Variants in DIP2C observed in about 807,000 individuals in gnomAD.
DIP2C encodes DIP2 acetate--CoA ligase C (putative).
In DIP2C, 33 loss-of-function variants were observed where a neutral mutation model predicts 192.4. The ratio of observed to expected loss-of-function variants is 0.17; its 90% CI spans 0.13 to 0.23. The LOEUF (loss-of-function observed/expected upper bound fraction) is 0.23. Among genes scored for constraint, DIP2C ranks in the 10% least tolerant of loss-of-function variants. DIP2C has a pLI of 1.00. For missense variants in DIP2C, 1,537 were observed against 2,110.1 expected, an observed-to-expected ratio of 0.73 and a Z score of 5.32; for synonymous variants, 979 against 864.1, an observed-to-expected ratio of 1.13 and a Z score of -2.33.
chr10:305,994 T>TATATATATATATATATATATATATATA, intron 32 of DIP2C, among the ~76,000 whole-genome samples: 1 of 148,756 alleles, frequency 6.7e-6, no homozygotes, highest in African/African-American at 2.5e-5. Flanking sequence ...TATATATATA[T>TATATATATATATATATATATATATATA]TATATTTTTT....
chr10:578,346 G>A (rs958898134), intron 1 of DIP2C, among the ~76,000 whole-genome samples: 2 of 152,230 alleles, frequency 1.3e-5, no homozygotes, highest in African/African-American at 4.8e-5. Flanking sequence ...CACGTTTCCT[G>A]ATGAGTGGCG....
chr10:377,702 G>A (rs1459783265), intron 17 of DIP2C, among the ~76,000 whole-genome samples: 3 of 152,196 alleles, frequency 2.0e-5, no homozygotes, highest in Non-Finnish European at 4.4e-5. Context: ...GGCACCATCA[G>A]CACCCAGTGG....
chr10:612,895 C>G (rs1853195699), intron 1 of DIP2C, among the ~76,000 whole-genome samples: 1 of 152,206 alleles, frequency 6.6e-6, no homozygotes, highest in East Asian at 1.9e-4. Context: ...AAAGCACTGG[C>G]TGACTTGCTG....
intron 1 of DIP2C, among the ~76,000 whole-genome samples, chr10:581,628 G>T (rs1248999147): frequency 6.6e-6 from 1 of 152,148 alleles, no homozygotes; most frequent in Non-Finnish European, 1.5e-5. Flanking sequence ...ACCCTCTGAG[G>T]CCATGGATGG....
intron 5 of DIP2C, among the ~76,000 whole-genome samples, chr10:421,774 A>AGCTTTT (rs1966201173): frequency 6.6e-6 from 1 of 152,340 alleles, no homozygotes; most frequent in South Asian, 2.1e-4. Flanking sequence ...CAAAAGCCTA[A>AGCTTTT]AAGCAGGAGA....
chr10:554,886 TAGAC>T (rs1427633309), intron 1 of DIP2C, among the ~76,000 whole-genome samples: 2 of 152,000 alleles, frequency 1.3e-5, no homozygotes, highest in African/African-American at 4.8e-5. Context: ...AGACAGAGGA[TAGAC>T]AGACACTTGG....
intron 1 of DIP2C, among the ~76,000 whole-genome samples, chr10:575,452 G>GT: frequency 6.6e-6 from 1 of 152,296 alleles, no homozygotes; most frequent in East Asian, 1.9e-4. Flanking sequence ...GGCCGTCCTA[G>GT]GACTGAAACT....
intron 13 of DIP2C, among the ~76,000 whole-genome samples, chr10:388,508 TCACAATAAA>T: frequency 6.6e-6 from 1 of 152,202 alleles, no homozygotes; most frequent in African/African-American, 2.4e-5. Context: ...CAGGAGGCTT[TCACAATAAA>T]TGGCCAAAAG....
At chr10:498,377 C>T (rs1844999831) in intron 1 of DIP2C, among the ~76,000 whole-genome samples, 2 of 152,176 alleles carry the variant, frequency 1.3e-5, no homozygotes. Context: ...CTCAGAGCCC[C>T]TTGAATCTCC....
chr10:372,053 C>G lies in DIP2C; in HGVS notation c.1992-2420G>C, dbSNP rs187960791. Among the ~76,000 whole-genome samples, 331 of 150,326 alleles carry G rather than the reference C, an allele frequency of 2.2e-3. 1 individual carries two copies. The highest frequency in any genetic ancestry group is 7.4e-3 in the African/African-American group (303 of 40,938). On this transcript the variant is annotated intron_variant, in intron 17 of 36. Coordinates refer to ENST00000280886, the MANE Select transcript of DIP2C (RefSeq NM_014974.3). ...CCCAAAAACGTATGTTTTATTGTCTCAATCACAAAAACCCCCTTTCCTTTT... is the reference window on the plus strand; with the variant it reads ...CCCAAAAACGTATGTTTTATTGTCTGAATCACAAAAACCCCCTTTCCTTTT...
rs750750663 is a variant in DIP2C at position 363,247 on chromosome 10, G to A, written c.2542C>T (p.Pro848Ser). ...AAACTGTCCTCTTCCGTGGAGTCAG[G>A]CCTCTGCTCAGCCACGATCACGATC... is the stretch of plus-strand genomic sequence containing the variant. The part of the protein sequence containing the change: ...ERIVIVAEQR[P>S]DSTEEDSFQW... The change falls in exon 21 of 37, where the codon CCT becomes TCT. Residue 848 changes from proline (P) to serine (S), a missense_variant. Transcript: ENST00000280886. The surrounding 1 kb of genome is among the most constrained non-coding windows in gnomAD (Gnocchi z 5.4). 6.2e-7 allele frequency: 1 copy of A among 1,613,510 alleles called. No homozygotes were observed. The highest frequency in any genetic ancestry group is 1.1e-5 in the South Asian group (1 of 91,044).
chr10:451,503 G>A (rs1968844984), intron 3 of DIP2C, among the ~76,000 whole-genome samples: 1 of 151,980 alleles, frequency 6.6e-6, no homozygotes, highest in African/African-American at 2.4e-5. Context: ...CTTTCTTTTT[G>A]CCCCAAACTG....
At chr10:429,206 T>TCC (rs147689133) in intron 4 of DIP2C, among the ~76,000 whole-genome samples, 3 of 91,032 alleles carry the variant, frequency 3.3e-5, no homozygotes, top group African/African-American at 1.1e-4. Context: ...CATCCCTGCC[T>TCC]CCCCCCGGAC....
intron 1 of DIP2C, among the ~76,000 whole-genome samples, chr10:535,694 T>C (rs1847657019): frequency 6.6e-6 from 1 of 152,188 alleles, no homozygotes; most frequent in African/African-American, 2.4e-5. Flanking sequence ...TACAGTCTGA[T>C]CATAAAAACT....
intron 1 of DIP2C, among the ~76,000 whole-genome samples, chr10:642,658 C>T (rs1449695149): frequency 3.3e-5 from 5 of 152,250 alleles, no homozygotes; most frequent in East Asian, 1.9e-4. Flanking sequence ...GTCAGGGCTC[C>T]GCACACCCCC....
At chr10:400,639 G>A (rs1964344940) in intron 9 of DIP2C, among the ~76,000 whole-genome samples, 1 of 151,512 alleles carries the variant, frequency 6.6e-6, no homozygotes, top group African/African-American at 2.4e-5. Flanking sequence ...GATTTTACAT[G>A]TGGGGTAGCA....
chr10:566,800 A>C (rs1218152775), intron 1 of DIP2C, among the ~76,000 whole-genome samples: 1 of 152,222 alleles, frequency 6.6e-6, no homozygotes, highest in Non-Finnish European at 1.5e-5. Flanking sequence ...GCTCACAGGC[A>C]CCATGCGGAG....
Position 362,441 on chromosome 10 carries a change from C to T in DIP2C, c.2794+49G>A. The stretch of plus-strand genomic sequence containing the variant: ...TCCCGCACCTCCCAGTGCCGTGCAG[C>T]CCCAAGGGAACTCCCGCACCTCACA... On this transcript the variant is annotated intron_variant, in intron 22 of 36. Transcript: ENST00000280886. 5 of 1,593,554 alleles carry T rather than the reference C, an allele frequency of 3.1e-6. No individual in the cohort carries two copies. In the East Asian group the frequency reaches 9.0e-5, roughly 29 times the overall value.
intron 1 of DIP2C, among the ~76,000 whole-genome samples, chr10:655,258 T>C (rs575861390): frequency 1.3e-5 from 2 of 152,200 alleles, no homozygotes; most frequent in Non-Finnish European, 2.9e-5. Context: ...ACCTTTCCTT[T>C]TCGCTTAATA....
Sources: allele counts gnomAD v4.1 joint callset (sites outside exome capture counted in the v4.1 genomes callset), GRCh38; gene constraint gnomAD v4.1.1; non-coding constraint Gnocchi (gnomAD v3.1); transcripts MANE v1.5; gene names NCBI Gene and HGNC (gene_info 2026-07-23, HGNC 2026-07-21).